EFNA5: variants seen among roughly 807,000 people sequenced by gnomAD.
EFNA5 encodes the protein ephrin-A5.
A neutral mutation model predicts 22.9 loss-of-function variants in EFNA5; 5 were observed. That is an observed-to-expected ratio of 0.22 (90% CI 0.11 to 0.46). The LOEUF is 0.46. Ranked by LOEUF, EFNA5 falls within the 20% of genes least tolerant of loss-of-function variation. EFNA5 has a pLI of 0.99. For synonymous variants in EFNA5, 113 were observed against 112.2 expected, an observed-to-expected ratio of 1.01 and a Z score of -0.04; for missense variants, 237 against 293.3, an observed-to-expected ratio of 0.81 and a Z score of 1.40.
At chr5:107,549,497 A>G (rs1380571685) in intron 1 of EFNA5, among the ~76,000 whole-genome samples, 2 of 152,226 alleles carry the variant, frequency 1.3e-5, no homozygotes, top group Non-Finnish European at 2.9e-5. Flanking sequence ...CGAACAGACT[A>G]AGAGAGAAGT....
chr5:107,486,872 A>G lies in EFNA5; in HGVS notation c.126-59363T>C, dbSNP rs1561408238. On this transcript the variant is annotated intron_variant, in intron 1 of 4. Transcript: ENST00000333274. The stretch of plus-strand genomic sequence containing the variant: ...CAGGGAGGAGCTAGAGAAAGTTACT[A>G]TGAAAAGAATTTTAGGGTCTCCTCA... Among the ~76,000 whole-genome samples, 4 of 152,194 alleles carry G rather than the reference A, an allele frequency of 2.6e-5. No homozygotes were observed. In the South Asian group the frequency reaches 8.3e-4, roughly 31 times the overall value.
At chr5:107,542,600 A>T (rs1288131753) in intron 1 of EFNA5, among the ~76,000 whole-genome samples, 1 of 151,998 alleles carries the variant, frequency 6.6e-6, no homozygotes, top group Non-Finnish European at 1.5e-5. Context: ...ACAGAAGGTC[A>T]TGCCTTCTCT....
At chr5:107,478,771 T>C (rs1259599888) in intron 1 of EFNA5, among the ~76,000 whole-genome samples, 4 of 152,222 alleles carry the variant, frequency 2.6e-5, no homozygotes, top group African/African-American at 4.8e-5. Flanking sequence ...TAATTATTTT[T>C]GTAAAATGAT....
At chr5:107,560,954 C>G (rs749191404) in intron 1 of EFNA5, among the ~76,000 whole-genome samples, 2 of 152,166 alleles carry the variant, frequency 1.3e-5, no homozygotes, top group Non-Finnish European at 2.9e-5. Context: ...AAAGACAATG[C>G]TCTTTTTTCA....
intron 1 of EFNA5, among the ~76,000 whole-genome samples, chr5:107,529,879 C>G (rs193229565): frequency 2.6e-4 from 40 of 152,308 alleles, no homozygotes; most frequent in African/African-American, 9.1e-4. Flanking sequence ...AATGCAAATT[C>G]CACTGTGTAT....
chr5:107,621,523 A>G (rs1252807734), intron 1 of EFNA5, among the ~76,000 whole-genome samples: 5 of 152,218 alleles, frequency 3.3e-5, no homozygotes, highest in African/African-American at 9.6e-5. Context: ...TGATTATATG[A>G]GGGAAGCCAT....
At chr5:107,586,422 C>T (rs1749187444) in intron 1 of EFNA5, among the ~76,000 whole-genome samples, 1 of 152,098 alleles carries the variant, frequency 6.6e-6, no homozygotes, top group South Asian at 2.1e-4. Context: ...TTATAAAGAA[C>T]AGCTAAAAGC....
chr5:107,641,380 T>C (rs1750507967), intron 1 of EFNA5, among the ~76,000 whole-genome samples: 1 of 151,114 alleles, frequency 6.6e-6, no homozygotes, highest in African/African-American at 2.4e-5. Context: ...AATGTAGAAA[T>C]AAAGCTCACA....
At chr5:107,510,059 C>T (rs1426438293) in intron 1 of EFNA5, among the ~76,000 whole-genome samples, 1 of 152,110 alleles carries the variant, frequency 6.6e-6, no homozygotes, top group Non-Finnish European at 1.5e-5. Flanking sequence ...GATTCTTAGC[C>T]ACAGGATGAG....
chr5:107,473,156 T>C (rs1750189967), intron 1 of EFNA5, among the ~76,000 whole-genome samples: 2 of 152,144 alleles, frequency 1.3e-5, no homozygotes, highest in African/African-American at 4.8e-5. Flanking sequence ...GTTGTAGCCT[T>C]TGTACTGCTG....
intron 1 of EFNA5, among the ~76,000 whole-genome samples, chr5:107,632,859 C>T (rs1580571208): frequency 6.6e-6 from 1 of 152,044 alleles, no homozygotes; most frequent in East Asian, 1.9e-4. Flanking sequence ...ACTAATGCAC[C>T]CCAAAATATT....
chr5:107,457,602 A>C (rs966669050), intron 1 of EFNA5, among the ~76,000 whole-genome samples: 2 of 152,114 alleles, frequency 1.3e-5, no homozygotes, highest in Non-Finnish European at 1.5e-5. Flanking sequence ...TTTTCAATCC[A>C]AGGTTGGTTG....
intron 1 of EFNA5, among the ~76,000 whole-genome samples, chr5:107,570,110 A>G (rs1486500977): frequency 6.6e-6 from 1 of 152,310 alleles, no homozygotes; most frequent in South Asian, 2.1e-4. Flanking sequence ...CCTACCTCCT[A>G]ATGGTGAAAG....
intron 2 of EFNA5, among the ~76,000 whole-genome samples, chr5:107,419,624 A>C (rs1420287945): frequency 6.6e-6 from 1 of 152,096 alleles, no homozygotes; most frequent in Non-Finnish European, 1.5e-5. Context: ...AAAACGTTAA[A>C]ATTTGTCGGT....
intron 1 of EFNA5, among the ~76,000 whole-genome samples, chr5:107,440,208 C>T (rs756387618): frequency 3.3e-5 from 5 of 151,954 alleles, no homozygotes; most frequent in Admixed American, 1.3e-4. Context: ...GAAACATAAG[C>T]GGGAGAAAGA....
At chr5:107,461,679 T>C (rs1051522270) in intron 1 of EFNA5, among the ~76,000 whole-genome samples, 55 of 152,172 alleles carry the variant, frequency 3.6e-4, no homozygotes, top group African/African-American at 1.3e-3. Context: ...CAAAAGATCC[T>C]GTTATTACCT....
At chr5:107,565,092 A>G (rs978123031) in intron 1 of EFNA5, among the ~76,000 whole-genome samples, 1 of 152,222 alleles carries the variant, frequency 6.6e-6, no homozygotes. Flanking sequence ...ATTGGCACCA[A>G]CCAGGAAGTG....
At chr5:107,645,685 T>TG (rs1276943516) in intron 1 of EFNA5, among the ~76,000 whole-genome samples, 15 of 152,212 alleles carry the variant, frequency 9.9e-5, no homozygotes, top group African/African-American at 3.6e-4. Flanking sequence ...TCATGAATTC[T>TG]TTACAGAACA....
intron 2 of EFNA5, among the ~76,000 whole-genome samples, chr5:107,391,508 T>C (rs1273773800): frequency 2.6e-5 from 4 of 152,154 alleles, no homozygotes; most frequent in Admixed American, 2.6e-4. Context: ...AGGCAGTGAC[T>C]TGCAAACAGG....
Sources: allele counts gnomAD v4.1 joint callset (sites outside exome capture counted in the v4.1 genomes callset), GRCh38; gene constraint gnomAD v4.1.1; transcripts MANE v1.5; gene names NCBI Gene and HGNC (gene_info 2026-07-23, HGNC 2026-07-21).